CBLIF: variants seen among roughly 807,000 people sequenced by gnomAD.
The protein encoded by CBLIF is cobalamin binding intrinsic factor, also known as gastric intrinsic factor (vitamin B synthesis).
In CBLIF, 24 loss-of-function variants were observed where a neutral mutation model predicts 44.9. That is an observed-to-expected ratio of 0.53 (90% CI 0.39 to 0.75). The LOEUF is 0.75. CBLIF is among the 30% of genes least tolerant of loss of function. The pLI is 0.00. For missense variants in CBLIF, 481 were observed against 513.0 expected (o/e 0.94, Z 0.60); for synonymous variants, 183 against 190.9 (o/e 0.96, Z 0.34).
intron 4 of CBLIF, among the ~76,000 whole-genome samples, 162 bp downstream of exon 4, chr11:59,842,281 T>C (rs1384539404): frequency 6.6e-6 from 1 of 152,222 alleles, no homozygotes; most frequent in African/African-American, 2.4e-5. Flanking sequence ...TCAATTCACC[T>C]GCCCAACAAA....
Position 59,831,787 on chromosome 11 carries a change from G to A in CBLIF, c.1083C>T (p.Thr361=), listed in dbSNP as rs778492156. 1.0e-5 allele frequency: 16 copies of A among 1,571,922 alleles called. No individual in the cohort carries two copies. Among genetic ancestry groups the A allele is most frequent in the Admixed American group, 1.7e-5 (1 of 59,922 alleles). The change falls in exon 8 of 9, where the codon ACC becomes ACT. Residue 361 remains threonine, a synonymous_variant. Coordinates refer to ENST00000257248, the MANE Select transcript of CBLIF (RefSeq NM_005142.3). ...QRKNPMFKFE[T]TMTSWGLVVS... ...CGACAAGGCCCCAAGATGTCATTGT[G>A]GTTTCAAATCTAAAAAAAAGTTTAT...
chr11:59,845,470 T>A lies in CBLIF; in HGVS notation c.-17A>T. Reference sequence around the variant, plus strand: ...CCAGGCCATCTCACTCTCTCGTCTATGTCTCTCATCCACAGGTACCGCGAT... The same window carrying A: ...CCAGGCCATCTCACTCTCTCGTCTAAGTCTCTCATCCACAGGTACCGCGAT... On this transcript the variant is annotated 5_prime_UTR_variant, in exon 1 of 9. Transcript: ENST00000257248. The A allele has an allele frequency of 6.5e-7, 1 of 1,548,752 alleles. No individual in the cohort carries two copies. The highest frequency in any genetic ancestry group is 1.1e-5 in the South Asian group (1 of 89,794).
chr11:59,834,601 C>T (rs973190233), intron 7 of CBLIF, among the ~76,000 whole-genome samples: 1 of 151,714 alleles, frequency 6.6e-6, no homozygotes, highest in Non-Finnish European at 1.5e-5. Context: ...CCATGTTGGC[C>T]AGGCTAGTCT....
chr11:59,843,029 G>C lies in CBLIF; in HGVS notation c.369C>G (p.Ser123=), dbSNP rs752074191. ...TTCTCCCTTCCAGTCAGGTCTTACTGGAAGGTGCCCAGTTCTCCATTTGTC... is the reference window on the plus strand; with the variant it reads ...TTCTCCCTTCCAGTCAGGTCTTACTCGAAGGTGCCCAGTTCTCCATTTGTC... ...LQRQMENWAP[S]SPNAEASAFY... is the part of the protein sequence containing the mutation. The change falls in exon 3 of 9, where the codon TCC becomes TCG. Residue 123 remains serine, a splice_region_variant and synonymous_variant. Coordinates refer to ENST00000257248, the MANE Select transcript of CBLIF (RefSeq NM_005142.3). 8.3e-6 allele frequency: 13 copies of C among 1,565,322 alleles called. No individual in the cohort carries two copies. The East Asian group carries it at 2.9e-4, about 35-fold the overall frequency.
chr11:59,834,303 TCTTTCTTTCTTCCTTC>T (rs1219270040), intron 7 of CBLIF, among the ~76,000 whole-genome samples: 5 of 81,780 alleles, frequency 6.1e-5, no homozygotes, highest in African/African-American at 2.3e-4. Context: ...TTTCTTTCTT[TCTTTCTTTCTTCCTTC>T]CTTCCTTCCT....
intron 5 of CBLIF, among the ~76,000 whole-genome samples, chr11:59,839,373 A>G (rs975260921): frequency 6.6e-6 from 1 of 152,240 alleles, no homozygotes; most frequent in Non-Finnish European, 1.5e-5. Flanking sequence ...GCTGAGACAG[A>G]TCTTGAACAA....
At chr11:59,829,655 G>C (rs1866343019) in intron 8 of CBLIF, 110 bp from the exon 9 acceptor site, 1 of 729,478 alleles carries the variant, frequency 1.4e-6, no homozygotes. Flanking sequence ...TGTTTTTAAA[G>C]GAGTAAAATC....
Position 59,843,076 on chromosome 11 carries a change from C to T in CBLIF, c.322G>A (p.Asp108Asn), listed in dbSNP as rs1590860358. 2 of 1,613,406 alleles carry T rather than the reference C, an allele frequency of 1.2e-6. No homozygotes were observed. Among genetic ancestry groups the T allele is most frequent in the African/African-American group, 1.3e-5 (1 of 75,018 alleles). ...TGTCTTTGTAGAATGGATACTTTAT[C>T]CCCAGGGTCTCGGCAGGAGGAGGTG... ...ALTSSCRDPG[D>N]KVSILQRQME... The change falls in exon 3 of 9, where the codon GAT becomes AAT. Residue 108 changes from aspartate to asparagine, a missense_variant. Coordinates refer to ENST00000257248, the MANE Select transcript of CBLIF (RefSeq NM_005142.3).
At chr11:59,843,811 G>C in intron 2 of CBLIF, 68 bp downstream of exon 2, 1 of 1,198,988 alleles carries the variant, frequency 8.3e-7, no homozygotes, top group South Asian at 1.2e-5. Context: ...AGGACGCTGA[G>C]TTGGAATCTG....
chr11:59,834,238 CTTTTTCTT>C lies in CBLIF; in HGVS notation c.1073+1562_1073+1569del, dbSNP rs1459237011. Among the ~76,000 whole-genome samples the C allele has an allele frequency of 1.2e-4, 17 of 137,200 alleles. 1 individual carries two copies. Among genetic ancestry groups the C allele is most frequent in the African/African-American group, 4.4e-4 (16 of 36,014 alleles). The allele number at this position is 137,200 out of a possible 152,430, so 90.0% of individuals were successfully genotyped here. Reference sequence around the variant, plus strand: ...TGCCTTTCTGTTTCTTTCTTTCTTTCTTTTTCTTTCTTTCTTTCTTTCTTTCTTTCTTT... The same window carrying C: ...TGCCTTTCTGTTTCTTTCTTTCTTTCTCTTTCTTTCTTTCTTTCTTTCTTT... On this transcript the variant is annotated intron_variant, in intron 7 of 8. Coordinates refer to ENST00000257248, the MANE Select transcript of CBLIF (RefSeq NM_005142.3).
At position 59,831,450 on chromosome 11, in the gene CBLIF, C is replaced by T. The variant is rs562225318; in HGVS notation, c.1192+228G>A. 4.1e-5 allele frequency: 8 copies of T among 195,336 alleles called. No individual in the cohort carries two copies. The South Asian group carries it at 1.2e-3, about 29-fold the overall frequency. The allele number at this position is 195,336 out of a possible 1,614,324, so 12.1% of individuals were successfully genotyped here. ...CTGTGAAAAGTATTATCGCTGCCTA[C>T]AGAATTAATCTCTTTCTCTATGTAA... On this transcript the variant is annotated intron_variant, in intron 8 of 8. Coordinates refer to ENST00000257248, the MANE Select transcript of CBLIF (RefSeq NM_005142.3).
chr11:59,842,417 G>C, intron 4 of CBLIF, 26 bp downstream of exon 4: 1 of 1,612,530 alleles, frequency 6.2e-7, no homozygotes, highest in Admixed American at 1.7e-5. Context: ...GATGTTCCCA[G>C]CTCGGGGTAG....
chr11:59,843,525 G>C (rs990205274), intron 2 of CBLIF, among the ~76,000 whole-genome samples: 1 of 152,140 alleles, frequency 6.6e-6, no homozygotes, highest in African/African-American at 2.4e-5. Context: ...TATTATCATT[G>C]CTATTAGTAG....
chr11:59,835,957 AGAG>A lies in CBLIF; in HGVS notation c.921_923del (p.Ser308del), dbSNP rs1277578730. 2.5e-6 allele frequency: 4 copies of A among 1,614,060 alleles called. No individual in the cohort carries two copies. In the African/African-American group the frequency reaches 5.3e-5, roughly 22 times the overall value. On this transcript the variant is annotated inframe_deletion, in exon 7 of 9. Transcript: ENST00000257248. ...TGTATATGACAGTGATGTTAGATGC[AGAG>A]GTGGGGCCAGGGCCAGGGTTGCTGG... is the stretch of plus-strand genomic sequence containing the variant.
intron 7 of CBLIF, among the ~76,000 whole-genome samples, chr11:59,834,300 CTTTCTTT>C (rs1866420913): frequency 0.014 from 1,720 of 118,894 alleles, 13 homozygotes; most frequent in Middle Eastern, 0.022. Flanking sequence ...TTCTTTCTTT[CTTTCTTT>C]CTTTCTTCCT....
chr11:59,836,585 A>T (rs1026553806), intron 6 of CBLIF, among the ~76,000 whole-genome samples: 2 of 152,136 alleles, frequency 1.3e-5, no homozygotes, highest in Admixed American at 1.3e-4. Flanking sequence ...ACTCCATCTC[A>T]TTGATATATT....
At position 59,835,933 on chromosome 11, in the gene CBLIF, G is replaced by A. The variant is rs776260097; in HGVS notation, c.948C>T (p.Tyr316=). The A allele has an allele frequency of 1.9e-6, 3 of 1,613,960 alleles. No individual in the cohort carries two copies. Among genetic ancestry groups the A allele is most frequent in the Non-Finnish European group, 2.5e-6 (3 of 1,179,828 alleles). Residue 316 remains tyrosine (Y), a synonymous_variant, in exon 7 of 9, where the codon TAC becomes TAT. Transcript: ENST00000257248. ...PTSASNITVI[Y]TINNQLRGVE... ...CCCCCCTCAGCTGGTTATTTATGGT[G>A]TATATGACAGTGATGTTAGATGCAG...
intron 7 of CBLIF, among the ~76,000 whole-genome samples, chr11:59,834,698 G>A (rs1011962266): frequency 1.3e-5 from 2 of 151,806 alleles, no homozygotes; most frequent in Non-Finnish European, 2.9e-5. Context: ...GGACTATACC[G>A]CCAAAAGCCT....
In CBLIF at chr11:59,835,978, G is replaced by A. The variant is rs1253935376; in HGVS notation, c.903C>T (p.Asn301=). 8.7e-6 allele frequency: 14 copies of A among 1,614,054 alleles called. No homozygotes were observed. The highest frequency in any genetic ancestry group is 1.2e-5 in the Non-Finnish European group (14 of 1,180,008). The part of the protein sequence containing the change: ...DHEVQPTLPS[N]PGPGPTSASN... The stretch of plus-strand genomic sequence containing the variant: ...ATGCAGAGGTGGGGCCAGGGCCAGG[G>A]TTGCTGGGTAGAGTTGGTTGTACCT... Residue 301 remains asparagine (N), a synonymous_variant, in exon 7 of 9, where the codon AAC becomes AAT. Transcript: ENST00000257248.
Sources: allele counts gnomAD v4.1 joint callset (sites outside exome capture counted in the v4.1 genomes callset), GRCh38; gene constraint gnomAD v4.1.1; transcripts MANE v1.5; gene names NCBI Gene and HGNC (gene_info 2026-07-23, HGNC 2026-07-21).